Variants in BLTP3B observed in about 807,000 individuals in gnomAD.
The protein encoded by BLTP3B is bridge-like lipid transfer protein family member 3B.
chr12:100,097,383 T>A, the BLTP3B span: 1 of 1,611,950 alleles, frequency 6.2e-7, no homozygotes, highest in Non-Finnish European at 8.5e-7. Context: ...TAAGTGTGAC[T>A]CTGATTTTTG....
At chr12:100,133,851 T>C in the BLTP3B span, among the ~76,000 whole-genome samples, 2 of 152,326 alleles carry the variant, frequency 1.3e-5, no homozygotes, top group African/African-American at 2.4e-5. Flanking sequence ...CAGTTACCTG[T>C]GGTACAGTAC....
At chr12:100,084,618 G>C in the BLTP3B span, 2 of 1,613,440 alleles carry the variant, frequency 1.2e-6, no homozygotes, top group African/African-American at 2.7e-5. Context: ...TTTTTGTTTT[G>C]GTTGCATCAC....
At chr12:100,113,281 T>C in the BLTP3B span, among the ~76,000 whole-genome samples, 5 of 151,558 alleles carry the variant, frequency 3.3e-5, no homozygotes, top group African/African-American at 1.2e-4. Flanking sequence ...TTCGAGACCA[T>C]CCTGGCCAAC....
At chr12:100,047,559 C>T in the BLTP3B span, 1 of 1,612,736 alleles carries the variant, frequency 6.2e-7, no homozygotes, top group Non-Finnish European at 8.5e-7. Context: ...ATCGTCACTT[C>T]TCTCTACCAC....
chr12:100,064,133 C>T, the BLTP3B span, among the ~76,000 whole-genome samples: 11 of 152,064 alleles, frequency 7.2e-5, no homozygotes, highest in East Asian at 7.7e-4. Context: ...CATAGAAATG[C>T]GAAATGCTAT....
chr12:100,089,579 CA>C, the BLTP3B span, among the ~76,000 whole-genome samples: 2 of 151,568 alleles, frequency 1.3e-5, no homozygotes, highest in Non-Finnish European at 2.9e-5. Context: ...AAAACAAAAA[CA>C]AAAAAACAAA....
At chr12:100,114,348 T>TA in the BLTP3B span, among the ~76,000 whole-genome samples, 1 of 152,298 alleles carries the variant, frequency 6.6e-6, no homozygotes, top group East Asian at 1.9e-4. Context: ...TATAAATTAA[T>TA]AATGGAGAGT....
the BLTP3B span, chr12:100,059,798 TA>T: frequency 2.0e-6 from 3 of 1,531,698 alleles, no homozygotes; most frequent in Non-Finnish European, 2.7e-6. Context: ...GCACAAATCA[TA>T]AAATAAAAAG....
chr12:100,118,106 T>G, the BLTP3B span, among the ~76,000 whole-genome samples: 4 of 151,026 alleles, frequency 2.6e-5, no homozygotes, highest in Admixed American at 6.6e-5. Flanking sequence ...TTATATAAAT[T>G]TTTGTATTTT....
the BLTP3B span, among the ~76,000 whole-genome samples, chr12:100,074,490 T>TTGGGAGGCTGAGGCATAAAAA: frequency 1.3e-5 from 2 of 151,860 alleles, no homozygotes; most frequent in African/African-American, 4.8e-5. Context: ...TCCCAGTTAC[T>TTGGGAGGCTGAGGCATAAAAA]TGGGAGGCTG....
the BLTP3B span, among the ~76,000 whole-genome samples, chr12:100,125,468 T>C: frequency 2.6e-5 from 4 of 151,386 alleles, no homozygotes; most frequent in African/African-American, 4.9e-5. Context: ...CTGGGAAACA[T>C]AGGGAGACCC....
At chr12:100,058,615 C>G in the BLTP3B span, 1 of 1,614,030 alleles carries the variant, frequency 6.2e-7, no homozygotes, top group South Asian at 1.1e-5. Context: ...CTCACACTTT[C>G]AGAAACAGGA....
At chr12:100,116,185 A>G in the BLTP3B span, among the ~76,000 whole-genome samples, 2 of 151,310 alleles carry the variant, frequency 1.3e-5, no homozygotes, top group Non-Finnish European at 2.9e-5. Context: ...AAAAAAAAAA[A>G]GTAAAATCTA....
At chr12:100,117,023 A>C in the BLTP3B span, among the ~76,000 whole-genome samples, 2 of 152,210 alleles carry the variant, frequency 1.3e-5, no homozygotes, top group African/African-American at 4.8e-5. Flanking sequence ...ATAATAACAC[A>C]AACTATAAAA....
chr12:100,037,740 C>A, the BLTP3B span: 1 of 1,599,882 alleles, frequency 6.3e-7, no homozygotes, highest in South Asian at 1.1e-5. Flanking sequence ...TTAAGAGATT[C>A]ATTCTCTTCC....
At chr12:100,108,581 G>T in the BLTP3B span, 1 of 1,566,510 alleles carries the variant, frequency 6.4e-7, no homozygotes. Context: ...ATTTATTTAT[G>T]TGTCAGTTAC....
the BLTP3B span, among the ~76,000 whole-genome samples, chr12:100,124,100 A>AGAT: frequency 6.6e-6 from 1 of 151,680 alleles, no homozygotes; most frequent in African/African-American, 2.4e-5. Flanking sequence ...CCCCATCTCT[A>AGAT]CGAGAATTTT....
the BLTP3B span, chr12:100,097,225 T>A: frequency 1.3e-6 from 1 of 762,714 alleles, no homozygotes; most frequent in Non-Finnish European, 2.0e-6. Context: ...ATTATTTTAA[T>A]ATGCCACTGG....
chr12:100,075,184 G>C, the BLTP3B span, among the ~76,000 whole-genome samples: 1 of 151,894 alleles, frequency 6.6e-6, no homozygotes, highest in Admixed American at 6.6e-5. Context: ...GCTAAGTTTT[G>C]TATTTTTAGT....
Sources: allele counts gnomAD v4.1 joint callset (sites outside exome capture counted in the v4.1 genomes callset), GRCh38; gene constraint gnomAD v4.1.1; transcripts MANE v1.5; gene names NCBI Gene and HGNC (gene_info 2026-07-23, HGNC 2026-07-21).